Variants in DOCK7 observed in about 807,000 individuals in gnomAD.
DOCK7 encodes the protein dedicator of cytokinesis 7.
A neutral mutation model predicts 271.0 loss-of-function variants in DOCK7; 138 were observed. The observed-to-expected ratio is 0.51, with a 90% CI of 0.44 to 0.59. The LOEUF (loss-of-function observed/expected upper bound fraction) is 0.59, where lower values mean the gene tolerates loss of function less well. Ranked by LOEUF, DOCK7 falls within the 20% of genes least tolerant of loss-of-function variation. The pLI, the probability that DOCK7 is intolerant of heterozygous loss-of-function variation, is 0.00. For synonymous variants in DOCK7, 823 were observed against 876.1 expected, an observed-to-expected ratio of 0.94 and a Z score of 1.07; for missense variants, 2,066 against 2,592.4, an observed-to-expected ratio of 0.80 and a Z score of 4.41.
chr1:62,640,077 T>C (rs1181313334), intron 7 of DOCK7, among the ~76,000 whole-genome samples: 1 of 152,134 alleles, frequency 6.6e-6, no homozygotes, highest in Non-Finnish European at 1.5e-5. Flanking sequence ...TTATTCACTA[T>C]AAATGTACCA....
intron 25 of DOCK7, 28 bp downstream of exon 25, chr1:62,542,577 ATAT>A: frequency 6.3e-7 from 1 of 1,581,882 alleles, no homozygotes; most frequent in Non-Finnish European, 8.6e-7. Flanking sequence ...AAGAGAAAAA[ATAT>A]TAAAGAACAT....
At chr1:62,561,517 G>C in intron 19 of DOCK7, 100 bp downstream of exon 19, 1 of 577,108 alleles carries the variant, frequency 1.7e-6, no homozygotes, top group Non-Finnish European at 2.8e-6. Context: ...TGACAGCAAT[G>C]ACAGATTTAT....
intron 16 of DOCK7, among the ~76,000 whole-genome samples, chr1:62,579,695 G>GAAAAAAAA (rs34924913): frequency 3.1e-5 from 2 of 63,906 alleles, no homozygotes; most frequent in African/African-American, 6.0e-5. Flanking sequence ...GAGTGAGACC[G>GAAAAAAAA]AAAAAAAAAA....
chr1:62,545,165 C>G, intron 22 of DOCK7, 126 bp from the exon 23 acceptor site: 1 of 788,492 alleles, frequency 1.3e-6, no homozygotes, highest in Non-Finnish European at 1.9e-6. Context: ...GTTAAAGCAA[C>G]CAAAATTTGT....
At chr1:62,601,033 T>C (rs1258567854) in intron 14 of DOCK7, 6 of 1,073,644 alleles carry the variant, frequency 5.6e-6, no homozygotes, top group Non-Finnish European at 7.2e-6. Context: ...TTTCCCCTAA[T>C]TGTATATTCA....
At chr1:62,671,705 G>C (rs925590314) in intron 1 of DOCK7, among the ~76,000 whole-genome samples, 1 of 152,116 alleles carries the variant, frequency 6.6e-6, no homozygotes, top group Non-Finnish European at 1.5e-5. Flanking sequence ...TCTCAGTCTA[G>C]TTGAGATCAT....
At chr1:62,474,143 G>A in intron 47 of DOCK7, 55 bp from the exon 48 acceptor site, 1 of 1,446,656 alleles carries the variant, frequency 6.9e-7, no homozygotes, top group South Asian at 1.2e-5. Context: ...AAATCACAGA[G>A]ACAGAATTTA....
At chr1:62,608,047 A>G (rs1651257942) in intron 14 of DOCK7, 1 of 152,216 alleles carries the variant, frequency 6.6e-6, no homozygotes, top group African/African-American at 2.4e-5. Flanking sequence ...CTAACACTGC[A>G]TTCTAGCCTG....
chr1:62,519,100 G>T (rs1457941940), intron 31 of DOCK7, among the ~76,000 whole-genome samples: 2 of 151,734 alleles, frequency 1.3e-5, no homozygotes, highest in Non-Finnish European at 2.9e-5. Flanking sequence ...AGATGAAAGT[G>T]CAATCCACCA....
chr1:62,502,776 G>A (rs887442196), intron 37 of DOCK7, among the ~76,000 whole-genome samples: 4 of 152,026 alleles, frequency 2.6e-5, no homozygotes, highest in Admixed American at 1.3e-4. Context: ...TTTTTAAAGG[G>A]GAGGCAAGAG....
intron 7 of DOCK7, chr1:62,641,242 C>T: frequency 4.9e-6 from 2 of 406,740 alleles, no homozygotes; most frequent in South Asian, 3.6e-5. Context: ...TCTTAGCTTT[C>T]TTCTTTCTCT....
chr1:62,545,339 C>A (rs1399750153), intron 22 of DOCK7, among the ~76,000 whole-genome samples: 2 of 151,998 alleles, frequency 1.3e-5, no homozygotes, highest in East Asian at 3.9e-4. Flanking sequence ...CACCACACCC[C>A]CAAACTTTCT....
chr1:62,670,528 C>G, intron 1 of DOCK7, among the ~76,000 whole-genome samples: 1 of 151,340 alleles, frequency 6.6e-6, no homozygotes, highest in African/African-American at 2.4e-5. Flanking sequence ...TGTAAATACA[C>G]CAATCGGCAC....
chr1:62,471,855 A>C (rs1011196004), intron 48 of DOCK7, among the ~76,000 whole-genome samples: 8 of 151,256 alleles, frequency 5.3e-5, no homozygotes, highest in African/African-American at 1.7e-4. Context: ...ATTTAAGATT[A>C]TAAGTATATT....
intron 11 of DOCK7, among the ~76,000 whole-genome samples, chr1:62,630,310 CT>C (rs998573974): frequency 1.3e-5 from 2 of 152,084 alleles, no homozygotes; most frequent in Non-Finnish European, 2.9e-5. Flanking sequence ...AAACTGCATG[CT>C]TTTTCAAGTG....
chr1:62,579,118 AC>A, intron 16 of DOCK7, 152 bp from the exon 17 acceptor site: 1 of 735,620 alleles, frequency 1.4e-6, no homozygotes, highest in Non-Finnish European at 2.0e-6. Context: ...TCTCTAAATA[AC>A]TAAATCTTAC....
chr1:62,592,305 T>C (rs909983848), intron 14 of DOCK7, among the ~76,000 whole-genome samples: 2 of 152,086 alleles, frequency 1.3e-5, no homozygotes, highest in East Asian at 1.9e-4. Flanking sequence ...AAAAGATGAA[T>C]TCCTATTTCA....
At chr1:62,480,878 G>A (rs1302379330) in intron 43 of DOCK7, among the ~76,000 whole-genome samples, 1 of 152,010 alleles carries the variant, frequency 6.6e-6, no homozygotes, top group African/African-American at 2.4e-5. Flanking sequence ...GCGCCGTGGC[G>A]GGTGCCCGCA....
At chr1:62,636,358 T>G (rs1655272538) in intron 8 of DOCK7, among the ~76,000 whole-genome samples, 179 bp downstream of exon 8, 1 of 152,236 alleles carries the variant, frequency 6.6e-6, no homozygotes, top group Admixed American at 6.5e-5. Flanking sequence ...AATAACCTGT[T>G]TTCAATTACA....
Sources: gnomAD v4.1 joint callset for allele counts (sites outside exome capture counted in the v4.1 genomes callset) on GRCh38, gnomAD v4.1.1 for gene constraint, MANE v1.5 for transcripts, NCBI Gene and HGNC (gene_info 2026-07-23, HGNC 2026-07-21) for gene names.